The following TGS1 variants were observed in gnomAD, a reference collection of about 807,000 sequenced individuals.
TGS1 encodes the protein trimethylguanosine synthase.
TGS1 carries 69 observed loss-of-function variants against 92.2 expected under a neutral mutation model. That is an observed-to-expected ratio of 0.75 (90% CI 0.62 to 0.91). The LOEUF (loss-of-function observed/expected upper bound fraction) is 0.91, where lower values mean the gene tolerates loss of function less well. Among genes scored for constraint, TGS1 ranks in the 40% least tolerant of loss-of-function variants. The pLI is 0.00. For synonymous variants in TGS1, 345 were observed against 338.1 expected, an observed-to-expected ratio of 1.02 and a Z score of -0.22; for missense variants, 1,062 against 1,001.2, an observed-to-expected ratio of 1.06 and a Z score of -0.82.
At chr8:55,801,712 C>A (rs890809922) in intron 8 of TGS1, among the ~76,000 whole-genome samples, 1 of 150,248 alleles carries the variant, frequency 6.7e-6, no homozygotes, top group African/African-American at 2.5e-5. Flanking sequence ...TCTCAGCCTC[C>A]CAAGTAGCTG....
rs1811705432 is a variant in TGS1, at chr8:55,786,270, A to T, written c.372A>T (p.Ile124=). The change falls in exon 4 of 13, where the codon ATA becomes ATT. Residue 124 remains isoleucine (I), a synonymous_variant. Transcript: ENST00000260129. ...TGAATACTAGAAATAAAGTTAAAATAAAAAAGAAAAAACATCAAAAGAAAT... is the reference window on the plus strand; with the variant it reads ...TGAATACTAGAAATAAAGTTAAAATTAAAAAGAAAAAACATCAAAAGAAAT... ...VSMNTRNKVK[I]KKKKHQKKYL... 41 of 1,494,460 alleles carry T rather than the reference A, an allele frequency of 2.7e-5. No individual in the cohort carries two copies. The highest frequency in any genetic ancestry group is 3.5e-5 in the Non-Finnish European group (39 of 1,104,652). 92.6% of individuals were successfully genotyped at this position (1,494,460 alleles called of 1,614,324 possible). A position where few individuals can be genotyped will look rare whatever the true frequency, so the allele number is the denominator to read the frequency against.
Position 55,818,276 on chromosome 8 carries a change from A to G in TGS1, c.2439+5158A>G, listed in dbSNP as rs185987943. ...CTCTGCAGCCTCCCAGACTGAAACAATTCTCCCACCTCGGTCTCCCGAGTA... is the reference window on the plus strand; with the variant it reads ...CTCTGCAGCCTCCCAGACTGAAACAGTTCTCCCACCTCGGTCTCCCGAGTA... On this transcript the variant is annotated intron_variant, in intron 12 of 12. Transcript: ENST00000260129. 6.6e-5 allele frequency among the ~76,000 whole-genome samples: 10 copies of G among 152,234 alleles called. No individual in the cohort carries two copies. In the East Asian group the frequency reaches 1.4e-3, roughly 21 times the overall value.
intron 8 of TGS1, among the ~76,000 whole-genome samples, chr8:55,800,779 C>A (rs1273352601): frequency 6.6e-6 from 1 of 152,158 alleles, no homozygotes; most frequent in African/African-American, 2.4e-5. Flanking sequence ...ATCATGATGA[C>A]ACTTTTTACT....
chr8:55,814,834 T>TTA (rs1554564866), intron 12 of TGS1, among the ~76,000 whole-genome samples: 25 of 128,002 alleles, frequency 2.0e-4, no homozygotes, highest in Admixed American at 6.9e-4. Flanking sequence ...TGAGACTGTC[T>TTA]AAAAAAAAAA....
chr8:55,818,373 A>C (rs1443984690), intron 12 of TGS1, among the ~76,000 whole-genome samples: 1 of 152,140 alleles, frequency 6.6e-6, no homozygotes, highest in Non-Finnish European at 1.5e-5. Flanking sequence ...GGGTTTCACC[A>C]TGTTGGCCAG....
At chr8:55,820,636 T>C (rs1803610512) in intron 12 of TGS1, among the ~76,000 whole-genome samples, 1 of 152,244 alleles carries the variant, frequency 6.6e-6, no homozygotes, top group African/African-American at 2.4e-5. Context: ...TTGTGATCTT[T>C]TCTGTTTCTC....
intron 7 of TGS1, among the ~76,000 whole-genome samples, chr8:55,797,488 A>G (rs1360396081): frequency 2.0e-5 from 3 of 152,208 alleles, no homozygotes; most frequent in African/African-American, 4.8e-5. Flanking sequence ...TTATATTATA[A>G]GCTTTAATTC....
intron 11 of TGS1, among the ~76,000 whole-genome samples, chr8:55,811,439 G>C (rs1803338214): frequency 6.6e-6 from 1 of 151,918 alleles, no homozygotes; most frequent in South Asian, 2.1e-4. Context: ...TCCACCCTGG[G>C]TGACAGAGCG....
At position 55,786,799 on chromosome 8, in the gene TGS1, A is replaced by G. The variant is rs1349968129; in HGVS notation, c.901A>G (p.Met301Val). The change falls in exon 4 of 13, where the codon ATG becomes GTG. Residue 301 changes from methionine to valine, a missense_variant. Met to Val is a conservative substitution (Grantham distance 21, BLOSUM62 1). Coordinates refer to ENST00000260129, the MANE Select transcript of TGS1 (RefSeq NM_024831.8). ...AGTATCTTTTCCATCTTCACCTATT[A>G]TGGTTGATAATGATAGCTCTGGTAC... is the stretch of plus-strand genomic sequence containing the variant. Reference protein sequence around the residue: ...DLVSFPSSPIMVDNDSSGTSD... With the variant: ...DLVSFPSSPIVVDNDSSGTSD... 1.2e-6 allele frequency: 2 copies of G among 1,614,154 alleles called. No homozygotes were observed. Among genetic ancestry groups the G allele is most frequent in the Admixed American group, 1.7e-5 (1 of 60,012 alleles).
Position 55,778,451 on chromosome 8 carries a change from C to T in TGS1, c.102-4297C>T, listed in dbSNP as rs370694493. On this transcript the variant is annotated intron_variant, in intron 1 of 12. Transcript: ENST00000260129. Reference sequence around the variant, plus strand: ...GAACAACTGATGTTCTGTTCAGACACTTTAACATTAATATAGATTCGTGGA... The same window carrying T: ...GAACAACTGATGTTCTGTTCAGACATTTTAACATTAATATAGATTCGTGGA... Among the ~76,000 whole-genome samples, 8 of 152,274 alleles carry T rather than the reference C, an allele frequency of 5.3e-5. No individual in the cohort carries two copies. In the East Asian group the frequency reaches 7.7e-4, roughly 15 times the overall value.
At chr8:55,802,942 T>C (rs1812261670) in intron 9 of TGS1, among the ~76,000 whole-genome samples, 1 of 151,540 alleles carries the variant, frequency 6.6e-6, no homozygotes, top group South Asian at 2.1e-4. Context: ...TTAATTGTCC[T>C]AATCTTGTCC....
At chr8:55,822,055 T>C (rs1052325324) in intron 12 of TGS1, among the ~76,000 whole-genome samples, 1 of 151,436 alleles carries the variant, frequency 6.6e-6, no homozygotes, top group Non-Finnish European at 1.5e-5. Flanking sequence ...AACAACAATA[T>C]TGGCTTTTTT....
intron 1 of TGS1, among the ~76,000 whole-genome samples, chr8:55,775,110 C>T (rs1480077361): frequency 6.6e-6 from 1 of 151,848 alleles, no homozygotes; most frequent in African/African-American, 2.4e-5. Context: ...TAAAATTAGC[C>T]AGCTGTGGTG....
chr8:55,825,067 G>A lies in TGS1; in HGVS notation c.*364G>A. On this transcript the variant is annotated 3_prime_UTR_variant, in exon 13 of 13. Coordinates refer to ENST00000260129, the MANE Select transcript of TGS1 (RefSeq NM_024831.8). ...CTCCTCAGTAGCTGGGGCTTTAGGTGGGCACTGCCACACCGTACTAATTTT... is the reference window on the plus strand; with the variant it reads ...CTCCTCAGTAGCTGGGGCTTTAGGTAGGCACTGCCACACCGTACTAATTTT... 1 of 172,844 alleles carries A rather than the reference G, an allele frequency of 5.8e-6. No individual in the cohort carries two copies. The highest frequency in any genetic ancestry group is 1.2e-5 in the Non-Finnish European group (1 of 81,550). 10.7% of individuals were successfully genotyped at this position (172,844 alleles called of 1,614,324 possible).
intron 12 of TGS1, among the ~76,000 whole-genome samples, chr8:55,819,164 A>G (rs966801534): frequency 6.6e-6 from 1 of 152,088 alleles, no homozygotes; most frequent in Non-Finnish European, 1.5e-5. Context: ...TTGGACTTCT[A>G]GGCTAAAGCA....
intron 6 of TGS1, among the ~76,000 whole-genome samples, chr8:55,795,673 G>A (rs903250000): frequency 1.5e-4 from 22 of 150,506 alleles, no homozygotes; most frequent in African/African-American, 4.9e-4. Context: ...TAGGGTTTTC[G>A]TTTGTTTGTT....
intron 10 of TGS1, 139 bp from the exon 11 acceptor site, chr8:55,810,742 G>T: frequency 1.5e-6 from 1 of 660,794 alleles, no homozygotes; most frequent in Non-Finnish European, 2.6e-6. Context: ...TCTGTATCTC[G>T]GGTATATGTG....
At chr8:55,794,348 G>A (rs955176398) in intron 6 of TGS1, among the ~76,000 whole-genome samples, 2 of 152,120 alleles carry the variant, frequency 1.3e-5, no homozygotes, top group Admixed American at 6.6e-5. Flanking sequence ...GAGCCACCAC[G>A]CCCAGTCCAT....
At chr8:55,821,696 A>ACCCT (rs1270863327) in intron 12 of TGS1, among the ~76,000 whole-genome samples, 1 of 151,898 alleles carries the variant, frequency 6.6e-6, no homozygotes, top group Non-Finnish European at 1.5e-5. Flanking sequence ...ACACGGTGAA[A>ACCCT]CCCTGTCTCT....
Sources: allele counts gnomAD v4.1 joint callset (sites outside exome capture counted in the v4.1 genomes callset), GRCh38; gene constraint gnomAD v4.1.1; transcripts MANE v1.5; gene names NCBI Gene and HGNC (gene_info 2026-07-23, HGNC 2026-07-21).